The following GRIP1 variants were observed in gnomAD, a reference collection of about 807,000 sequenced individuals.
The protein encoded by GRIP1 is glutamate receptor-interacting protein 1.
GRIP1 carries 45 observed loss-of-function variants against 129.9 expected under a neutral mutation model. The observed-to-expected ratio is 0.35, with a 90% confidence interval of 0.27 to 0.44. GRIP1 has a LOEUF of 0.44. Ranked by LOEUF, GRIP1 falls within the 20% of genes least tolerant of loss-of-function variation. The pLI is 1.00. For synonymous variants in GRIP1, 530 were observed against 520.8 expected (o/e 1.02, Z -0.24); for missense variants, 1,196 against 1,396.8 (o/e 0.86, Z 2.29).
intron 2 of GRIP1, among the ~76,000 whole-genome samples, chr12:66,548,161 TTA>T (rs2062006329): frequency 6.6e-6 from 1 of 152,172 alleles, no homozygotes; most frequent in African/African-American, 2.4e-5. Context: ...TTCTTTTAGT[TTA>T]TATATATCTT....
At chr12:66,529,782 A>G in intron 5 of GRIP1, 49 bp downstream of exon 5, 1 of 997,066 alleles carries the variant, frequency 1.0e-6, no homozygotes, top group Non-Finnish European at 1.6e-6. Context: ...TTCTCTGAAA[A>G]CCTATGGAAA....
intron 1 of GRIP1, among the ~76,000 whole-genome samples, chr12:66,946,712 C>T (rs1166988556): frequency 7.0e-6 from 1 of 143,692 alleles, no homozygotes; most frequent in African/African-American, 2.6e-5. Flanking sequence ...AATGCTTGGG[C>T]TGGCCATGGT....
intron 16 of GRIP1, among the ~76,000 whole-genome samples, chr12:66,402,328 T>A (rs1306169893): frequency 6.6e-6 from 1 of 152,232 alleles, no homozygotes. Context: ...ATTGTGTCCC[T>A]TTTATCTAAG....
upstream of GRIP1, among the ~76,000 whole-genome samples, chr12:66,804,402 T>C (rs2038944151): frequency 6.6e-6 from 1 of 151,884 alleles, no homozygotes; most frequent in African/African-American, 2.4e-5. Context: ...ATATTTCTCA[T>C]TTAGATCAAT....
At chr12:66,458,681 G>A (rs550822231) in intron 9 of GRIP1, among the ~76,000 whole-genome samples, 3 of 152,266 alleles carry the variant, frequency 2.0e-5, no homozygotes, top group African/African-American at 7.2e-5. Context: ...CACTGCGCCG[G>A]GCCTGAATAG....
chr12:66,728,954 G>C (rs1047579335), intron 1 of GRIP1, among the ~76,000 whole-genome samples: 1 of 151,934 alleles, frequency 6.6e-6, no homozygotes, highest in South Asian at 2.1e-4. Context: ...AGAAAGTCTA[G>C]TAATCACTAA....
chr12:66,700,161 C>T (rs546184565), intron 1 of GRIP1, among the ~76,000 whole-genome samples: 60 of 152,020 alleles, frequency 3.9e-4, no homozygotes, highest in Middle Eastern at 3.4e-3. Flanking sequence ...GATAAACAAA[C>T]GTTAGGAAAA....
intron 2 of GRIP1, among the ~76,000 whole-genome samples, chr12:66,557,370 C>T (rs7966602): frequency 0.23 from 35,116 of 152,018 alleles, 4,340 homozygotes; most frequent in Admixed American, 0.27. Flanking sequence ...GAACTCAATA[C>T]AATAATAGCT....
intron 1 of GRIP1, among the ~76,000 whole-genome samples, chr12:66,800,485 G>C (rs1447661673): frequency 6.6e-6 from 1 of 152,126 alleles, no homozygotes; most frequent in East Asian, 1.9e-4. Context: ...AAGAGGTCAG[G>C]ATTGTTATGT....
chr12:66,434,364 G>T (rs977106139), intron 13 of GRIP1, among the ~76,000 whole-genome samples: 6 of 152,196 alleles, frequency 3.9e-5, no homozygotes, highest in African/African-American at 1.4e-4. Flanking sequence ...CCAAGTGAGT[G>T]TCACGGACTG....
intron 2 of GRIP1, among the ~76,000 whole-genome samples, chr12:66,552,374 T>G (rs1243553030): frequency 6.6e-6 from 1 of 152,184 alleles, no homozygotes; most frequent in African/African-American, 2.4e-5. Context: ...AAGAAATTTG[T>G]GATACTTTTA....
chr12:67,019,161 C>T (rs1469475001), intron 1 of GRIP1, among the ~76,000 whole-genome samples: 7 of 152,056 alleles, frequency 4.6e-5, no homozygotes, highest in East Asian at 3.9e-4. Context: ...ATCATTCAGG[C>T]GCAAAAGGCA....
At chr12:67,047,931 T>C (rs1192093793) in intron 1 of GRIP1, among the ~76,000 whole-genome samples, 2 of 152,214 alleles carry the variant, frequency 1.3e-5, no homozygotes, top group African/African-American at 4.8e-5. Context: ...ATAAAGCTTT[T>C]CTAATCACAT....
chr12:66,910,985 A>G (rs1443142987), intron 1 of GRIP1, among the ~76,000 whole-genome samples: 3 of 152,208 alleles, frequency 2.0e-5, no homozygotes, highest in Non-Finnish European at 4.4e-5. Context: ...TCATACCTTC[A>G]TCTATTCAGT....
intron 1 of GRIP1, among the ~76,000 whole-genome samples, chr12:66,927,290 G>C (rs1428481324): frequency 6.6e-6 from 1 of 152,106 alleles, no homozygotes; most frequent in East Asian, 1.9e-4. Flanking sequence ...ACTTCAATAA[G>C]TATGTGTGGT....
At chr12:66,852,192 C>T (rs747311189) in intron 1 of GRIP1, among the ~76,000 whole-genome samples, 1 of 151,986 alleles carries the variant, frequency 6.6e-6, no homozygotes, top group Non-Finnish European at 1.5e-5. Context: ...TTTGTACCTA[C>T]TTTAGTCATA....
intron 14 of GRIP1, among the ~76,000 whole-genome samples, chr12:66,426,411 CT>C (rs772579274): frequency 6.6e-6 from 1 of 151,934 alleles, no homozygotes; most frequent in Non-Finnish European, 1.5e-5. Context: ...TTTTTCATTT[CT>C]CTTAATTTTC....
At chr12:66,472,911 C>T (rs1313885450) in intron 7 of GRIP1, among the ~76,000 whole-genome samples, 1 of 152,210 alleles carries the variant, frequency 6.6e-6, no homozygotes, top group Admixed American at 6.5e-5. Flanking sequence ...CTTGGACAGA[C>T]ACTGAGCTAG....
intron 1 of GRIP1, among the ~76,000 whole-genome samples, chr12:66,830,249 A>G (rs1241526306): frequency 6.6e-6 from 1 of 152,178 alleles, no homozygotes; most frequent in Non-Finnish European, 1.5e-5. Context: ...TGAATATGTT[A>G]CCTTACATGG....
Sources: gnomAD v4.1 joint callset for allele counts (sites outside exome capture counted in the v4.1 genomes callset) on GRCh38, gnomAD v4.1.1 for gene constraint, MANE v1.5 for transcripts, NCBI Gene and HGNC (gene_info 2026-07-23, HGNC 2026-07-21) for gene names.